GGNBP2: variants seen among roughly 807,000 people sequenced by gnomAD.
The protein encoded by GGNBP2 is gametogenetin-binding protein 2.
Under a neutral mutation model 85.9 loss-of-function variants are expected in GGNBP2, and 10 were observed. That is an observed-to-expected ratio of 0.12 (90% CI 0.07 to 0.20). The LOEUF is 0.20. GGNBP2 is among the 10% of genes least tolerant of loss of function. The probability of loss-of-function intolerance (pLI) is 1.00; values close to 1 mark genes in which losing one functional copy is unlikely to be tolerated. For missense variants in GGNBP2, 595 were observed against 857.8 expected (o/e 0.69, Z 3.83); for synonymous variants, 287 against 285.7 (o/e 1.00, Z -0.05).
chr17:36,580,642 A>G (rs1419208282), intron 8 of GGNBP2, among the ~76,000 whole-genome samples: 2 of 151,948 alleles, frequency 1.3e-5, no homozygotes, highest in East Asian at 1.9e-4. Flanking sequence ...AATTTAGGCC[A>G]GATATGGTGT....
chr17:36,549,934 G>A (rs1277567599), intron 2 of GGNBP2, among the ~76,000 whole-genome samples: 1 of 151,640 alleles, frequency 6.6e-6, no homozygotes, highest in Non-Finnish European at 1.5e-5. Context: ...AGATTGCTAT[G>A]ATATTTCTTT....
At chr17:36,585,210 A>G (rs1320993704) in intron 9 of GGNBP2, 90 bp from the exon 10 acceptor site, 2 of 1,108,506 alleles carry the variant, frequency 1.8e-6, no homozygotes, top group Non-Finnish European at 2.7e-6. Flanking sequence ...ACATCTTACT[A>G]TTAGGATGAA....
At chr17:36,549,210 T>G (rs1413922507) in intron 2 of GGNBP2, among the ~76,000 whole-genome samples, 1 of 152,080 alleles carries the variant, frequency 6.6e-6, no homozygotes, top group Non-Finnish European at 1.5e-5. Context: ...AATTAAAGTT[T>G]TTTTTTTTTT....
At chr17:36,587,323 C>T in intron 13 of GGNBP2, 78 bp downstream of exon 13, 1 of 1,442,496 alleles carries the variant, frequency 6.9e-7, no homozygotes, top group Non-Finnish European at 9.7e-7. Flanking sequence ...TATTTGAGGG[C>T]TTAAGGTAGG....
chr17:36,573,458 C>T (rs1475908848), intron 6 of GGNBP2, among the ~76,000 whole-genome samples: 2 of 152,178 alleles, frequency 1.3e-5, no homozygotes, highest in South Asian at 4.1e-4. Context: ...TCTCACATTT[C>T]GCCTGTTGTC....
intron 5 of GGNBP2, among the ~76,000 whole-genome samples, chr17:36,567,420 C>T (rs768914266): frequency 1.3e-5 from 2 of 152,130 alleles, no homozygotes; most frequent in Admixed American, 6.6e-5. Context: ...ATCTCAGTGT[C>T]ACTAAGCTTT....
At chr17:36,578,308 C>A in intron 7 of GGNBP2, 122 bp downstream of exon 7, 1 of 720,174 alleles carries the variant, frequency 1.4e-6, no homozygotes, top group Non-Finnish European at 2.2e-6. Context: ...TAAAGTATGC[C>A]TGTAAAGATT....
At chr17:36,570,359 G>C in intron 6 of GGNBP2, among the ~76,000 whole-genome samples, 1 of 152,118 alleles carries the variant, frequency 6.6e-6, no homozygotes, top group East Asian at 1.9e-4. Flanking sequence ...CTGCACTCCA[G>C]CTTGAGCAAC....
chr17:36,557,879 C>G (rs751543574), intron 4 of GGNBP2, among the ~76,000 whole-genome samples: 2 of 151,780 alleles, frequency 1.3e-5, no homozygotes, highest in Non-Finnish European at 1.5e-5. Flanking sequence ...TTTGGGAGGC[C>G]AAGGCAGGCA....
chr17:36,546,311 C>T (rs1026949574), intron 2 of GGNBP2: 7 of 219,106 alleles, frequency 3.2e-5, no homozygotes, highest in African/African-American at 1.4e-4. Flanking sequence ...AGTCAAGATT[C>T]CACTAAAATG....
intron 5 of GGNBP2, among the ~76,000 whole-genome samples, chr17:36,561,690 C>T (rs549448791): frequency 1.3e-5 from 2 of 152,176 alleles, no homozygotes; most frequent in African/African-American, 4.8e-5. Flanking sequence ...GTGGCGTCAT[C>T]TCGGCTCACT....
intron 4 of GGNBP2, among the ~76,000 whole-genome samples, chr17:36,560,186 G>A (rs1472513510): frequency 6.6e-6 from 1 of 152,020 alleles, no homozygotes; most frequent in Non-Finnish European, 1.5e-5. Flanking sequence ...TTGAACTCCT[G>A]GCCTCAAGTG....
rs1012162747 is a variant in GGNBP2, at chr17:36,558,151, C to T, written c.428+815C>T. Among the ~76,000 whole-genome samples the T allele has an allele frequency of 3.3e-5, 5 of 152,050 alleles. No homozygotes were observed. The East Asian group carries it at 5.9e-4, about 18-fold the overall frequency. ...AAGAGCGACTGGGCGCGGTGGCTCA[C>T]GCCTATAATCCCAACACTTTGGGAG... On this transcript the variant is annotated intron_variant, in intron 4 of 13. Coordinates refer to ENST00000613102, the MANE Select transcript of GGNBP2 (RefSeq NM_024835.5).
At chr17:36,574,208 G>A (rs757927355) in intron 6 of GGNBP2, among the ~76,000 whole-genome samples, 5 of 152,112 alleles carry the variant, frequency 3.3e-5, no homozygotes, top group South Asian at 2.1e-4. Context: ...AGCATACTGC[G>A]TTGCAGATCA....
chr17:36,554,955 A>G (rs534231132), intron 3 of GGNBP2, 55 bp downstream of exon 3: 12 of 1,048,414 alleles, frequency 1.1e-5, no homozygotes, highest in East Asian at 2.4e-5. Context: ...TTAAAGACTC[A>G]TTTAAAATTT....
At chr17:36,581,304 T>G in intron 8 of GGNBP2, 40 bp from the exon 9 acceptor site, 1 of 1,353,474 alleles carries the variant, frequency 7.4e-7, no homozygotes. Context: ...AGAAAAGAAG[T>G]TCTGACCAAT....
chr17:36,558,577 TC>T (rs2074386548), intron 4 of GGNBP2, among the ~76,000 whole-genome samples: 1 of 151,516 alleles, frequency 6.6e-6, no homozygotes, highest in African/African-American at 2.4e-5. Flanking sequence ...TGCCTCAGCC[TC>T]CCAAGTAGCT....
chr17:36,549,233 C>T (rs559273250), intron 2 of GGNBP2, among the ~76,000 whole-genome samples: 6 of 151,630 alleles, frequency 4.0e-5, no homozygotes, highest in Admixed American at 2.6e-4. Context: ...GACACAGTCT[C>T]GCTCTGTCGC....
At chr17:36,588,501 C>T (rs1049330358) in intron 13 of GGNBP2, among the ~76,000 whole-genome samples, 1 of 152,198 alleles carries the variant, frequency 6.6e-6, no homozygotes, top group Non-Finnish European at 1.5e-5. Context: ...GGTGATCTGC[C>T]CACCTCAGCC....
Sources: allele counts gnomAD v4.1 joint callset (sites outside exome capture counted in the v4.1 genomes callset), GRCh38; gene constraint gnomAD v4.1.1; transcripts MANE v1.5; gene names NCBI Gene and HGNC (gene_info 2026-07-23, HGNC 2026-07-21).